The following ANKDD1A variants were observed in gnomAD, a reference collection of about 807,000 sequenced individuals.
ANKDD1A encodes the protein ankyrin repeat and death domain-containing protein 1A.
A neutral mutation model predicts 63.5 loss-of-function variants in ANKDD1A; 59 were observed. The ratio of observed to expected loss-of-function variants is 0.93; its 90% CI spans 0.75 to 1.15. The LOEUF (loss-of-function observed/expected upper bound fraction) is 1.15, where lower values mean the gene tolerates loss of function less well. Ranked by LOEUF, ANKDD1A falls within the 50% of genes most tolerant of loss-of-function variation. ANKDD1A has a pLI of 0.00. For synonymous variants in ANKDD1A, 266 were observed against 263.9 expected, an observed-to-expected ratio of 1.01 and a Z score of -0.08; for missense variants, 632 against 656.4, an observed-to-expected ratio of 0.96 and a Z score of 0.41.
At chr15:64,953,606 T>C (rs200811432) in intron 14 of ANKDD1A, among the ~76,000 whole-genome samples, 1 of 103,522 alleles carries the variant, frequency 9.7e-6, no homozygotes, top group Non-Finnish European at 2.2e-5. Context: ...TTTTCTTCTT[T>C]CTTCTCTCCT....
chr15:64,944,554 C>A, intron 11 of ANKDD1A, 98 bp from the exon 12 acceptor site: 1 of 1,105,154 alleles, frequency 9.0e-7, no homozygotes, highest in Non-Finnish European at 1.3e-6. Context: ...TGCTGGAAAG[C>A]ACTTCCTGTG....
chr15:64,953,934 T>C (rs1333305777), intron 14 of ANKDD1A, among the ~76,000 whole-genome samples: 1 of 126,652 alleles, frequency 7.9e-6, no homozygotes, highest in Non-Finnish European at 1.7e-5. Context: ...TTCTTTTTTC[T>C]TTTCTTCCTC....
chr15:64,920,698 C>T (rs569400816), intron 3 of ANKDD1A, among the ~76,000 whole-genome samples: 4 of 151,976 alleles, frequency 2.6e-5, no homozygotes, highest in South Asian at 2.1e-4. Context: ...ACTACAGGCA[C>T]GTACCACCAT....
At chr15:64,925,679 T>C (rs2085041050) in intron 4 of ANKDD1A, among the ~76,000 whole-genome samples, 1 of 152,172 alleles carries the variant, frequency 6.6e-6, no homozygotes, top group East Asian at 1.9e-4. Flanking sequence ...TCACCGTACA[T>C]GTTTGAATTA....
At chr15:64,941,018 C>T (rs1178914916) in intron 9 of ANKDD1A, among the ~76,000 whole-genome samples, 2 of 152,216 alleles carry the variant, frequency 1.3e-5, no homozygotes, top group Admixed American at 1.3e-4. Context: ...ACTGGGATTA[C>T]AGGTGTGAGC....
intron 6 of ANKDD1A, among the ~76,000 whole-genome samples, chr15:64,930,408 G>A (rs1212720684): frequency 6.6e-6 from 1 of 152,148 alleles, no homozygotes; most frequent in Admixed American, 6.5e-5. Flanking sequence ...TTTCAGTGTG[G>A]CCCGGGCAGG....
chr15:64,943,534 A>G lies in ANKDD1A; in HGVS notation c.1017A>G (p.Ile339Met), dbSNP rs1156678774. The change falls in exon 11 of 15, where the codon ATA (isoleucine) becomes ATG (methionine). Residue 339 changes from isoleucine (I) to methionine (M), a missense_variant. Physicochemically the swap from Ile to Met is conservative, Grantham distance 10. Transcript: ENST00000319580. The stretch of plus-strand genomic sequence containing the variant: ...CTGCAGAGCACGCCTGGCAGGACAT[A>G]GCAGATATGCTCCTCATTGCTGGGG... The part of the protein sequence containing the change: ...HLAAEHAWQD[I>M]ADMLLIAGVD... 3 of 1,614,056 alleles carry G rather than the reference A, an allele frequency of 1.9e-6. No homozygotes were observed. The highest frequency in any genetic ancestry group is 2.5e-6 in the Non-Finnish European group (3 of 1,180,044).
chr15:64,924,498 C>T (rs994127049), intron 4 of ANKDD1A, among the ~76,000 whole-genome samples: 1 of 152,256 alleles, frequency 6.6e-6, no homozygotes, highest in African/African-American at 2.4e-5. Context: ...TATTCAAGGT[C>T]TTCCCCAAAG....
intron 9 of ANKDD1A, among the ~76,000 whole-genome samples, chr15:64,936,873 A>G (rs147746430): frequency 2.5e-4 from 38 of 152,260 alleles, no homozygotes; most frequent in African/African-American, 9.1e-4. Flanking sequence ...ATTCCCACAA[A>G]TCATTACAAA....
chr15:64,952,144 C>T (rs1401046179), intron 14 of ANKDD1A, among the ~76,000 whole-genome samples: 1 of 145,996 alleles, frequency 6.8e-6, no homozygotes, highest in African/African-American at 2.5e-5. Context: ...CTTCCTTATT[C>T]TTCTTCCTCT....
intron 14 of ANKDD1A, chr15:64,950,727 C>CCGGGGGGGG: frequency 2.4e-6 from 1 of 425,074 alleles, no homozygotes; most frequent in Non-Finnish European, 2.6e-6. Flanking sequence ...AAAGAAAGGA[C>CCGGGGGGGG]CGCCCCCCCC....
chr15:64,951,373 CTTT>C (rs1190201690), intron 14 of ANKDD1A: 6 of 432,856 alleles, frequency 1.4e-5, no homozygotes, highest in South Asian at 9.6e-5. Flanking sequence ...CCTCTTTCTT[CTTT>C]CTTTTTCTTT....
At position 64,926,167 on chromosome 15, in the gene ANKDD1A, C is replaced by A. The variant is rs761661222; in HGVS notation, c.468C>A (p.Asp156Glu). The change falls in exon 5 of 15, where the codon GAC becomes GAA. Residue 156 changes from aspartate (D) to glutamate (E), a missense_variant. By Grantham distance (45) the Asp-to-Glu change is conservative. Coordinates refer to ENST00000319580, the MANE Select transcript of ANKDD1A (RefSeq NM_182703.6). ...DLEDVALDHV[D>E]KLGRTAFHRA... ...AGGATGTGGCCCTGGACCACGTAGA[C>A]AAGGTGAGAGTGCCTCAGGGCTACT... 18 of 1,613,608 alleles carry A rather than the reference C, an allele frequency of 1.1e-5. No individual in the cohort carries two copies. The highest frequency in any genetic ancestry group is 4.5e-5 in the East Asian group (2 of 44,884).
At chr15:64,956,909 G>A (rs867541060) in intron 14 of ANKDD1A, among the ~76,000 whole-genome samples, 194 bp from the exon 15 acceptor site, 6 of 151,998 alleles carry the variant, frequency 3.9e-5, no homozygotes, top group Admixed American at 1.3e-4. Flanking sequence ...GATCTATTAC[G>A]TTATGATATA....
intron 4 of ANKDD1A, chr15:64,922,550 A>G (rs1015883666): frequency 1.6e-4 from 25 of 152,364 alleles, no homozygotes; most frequent in African/African-American, 5.3e-4. Flanking sequence ...GAGTTCTCAC[A>G]TGGGTTCTTG....
chr15:64,952,113 TTCTTTCTTCTC>T (rs2085298335), intron 14 of ANKDD1A, among the ~76,000 whole-genome samples: 2 of 120,678 alleles, frequency 1.7e-5, no homozygotes, highest in Non-Finnish European at 3.6e-5. Flanking sequence ...TCTTTTCTTC[TTCTTTCTTCTC>T]TTTCTTCTTC....
At chr15:64,943,827 CT>C in intron 11 of ANKDD1A, 1 of 530,448 alleles carries the variant, frequency 1.9e-6, no homozygotes, top group African/African-American at 1.9e-5. Flanking sequence ...GAAATGATTG[CT>C]TTCTCCTTTA....
At position 64,952,805 on chromosome 15, in the gene ANKDD1A, C is replaced by T. The variant is rs151079107; in HGVS notation, c.1483+2833C>T. On this transcript the variant is annotated intron_variant, in intron 14 of 14. Transcript: ENST00000319580. ...TCCTTCTCCTTCTTCTTTTCTTCTC[C>T]TTCTCCTCCTTCTTCCTCCTCCTTC... Among the ~76,000 whole-genome samples, 127 of 143,024 alleles carry T rather than the reference C, an allele frequency of 8.9e-4. 2 individuals carry two copies. Among genetic ancestry groups the T allele is most frequent in the African/African-American group, 3.2e-3 (123 of 38,776 alleles). 93.8% of individuals were successfully genotyped at this position (143,024 alleles called of 152,430 possible). A position where few individuals can be genotyped will look rare whatever the true frequency, so the allele number is the denominator to read the frequency against.
rs145902996 is a variant in ANKDD1A at position 64,958,273 on chromosome 15, T to C, written c.*1085T>C. The C allele has an allele frequency of 5.9e-5, 9 of 152,322 alleles. No homozygotes were observed. In the East Asian group the frequency reaches 7.7e-4, roughly 13 times the overall value. The allele number at this position is 152,322 out of a possible 1,614,324, so 9.4% of individuals were successfully genotyped here. On this transcript the variant is annotated 3_prime_UTR_variant, in exon 15 of 15. Coordinates refer to ENST00000319580, the MANE Select transcript of ANKDD1A (RefSeq NM_182703.6). ...GACATTGGGCATTGGTCAAAACCCA[T>C]AGCATGTACAGCACAAAGCGTTTGC... is the stretch of plus-strand genomic sequence containing the variant.
Sources: allele counts gnomAD v4.1 joint callset (sites outside exome capture counted in the v4.1 genomes callset), GRCh38; gene constraint gnomAD v4.1.1; transcripts MANE v1.5; gene names NCBI Gene and HGNC (gene_info 2026-07-23, HGNC 2026-07-21).